TMEM135: variants seen among roughly 807,000 people sequenced by gnomAD.
TMEM135 encodes transmembrane protein 135, also known as peroxisomal membrane protein 52.
In TMEM135, 30 loss-of-function variants were observed where a neutral mutation model predicts 60.3. The observed-to-expected ratio is 0.50, with a 90% CI of 0.37 to 0.68. The LOEUF is 0.68. TMEM135 is among the 30% of genes least tolerant of loss of function. The probability of loss-of-function intolerance (pLI) is 0.00; values close to 1 mark genes in which losing one functional copy is unlikely to be tolerated. For missense variants in TMEM135, 468 were observed against 548.8 expected (o/e 0.85, Z 1.47); for synonymous variants, 190 against 186.7 (o/e 1.02, Z -0.14).
chr11:87,102,716 A>ATATATG (rs1565441733), intron 4 of TMEM135, among the ~76,000 whole-genome samples: 19 of 78,722 alleles, frequency 2.4e-4, no homozygotes, highest in Admixed American at 6.4e-4. Flanking sequence ...ATATATATGT[A>ATATATG]TATATATATA....
chr11:87,195,050 C>G (rs1939902573), intron 5 of TMEM135, among the ~76,000 whole-genome samples: 1 of 152,086 alleles, frequency 6.6e-6, no homozygotes, highest in Non-Finnish European at 1.5e-5. Flanking sequence ...GTGAAACATA[C>G]ATTAAAAATT....
At chr11:87,272,642 T>TC (rs947582410) in intron 6 of TMEM135, among the ~76,000 whole-genome samples, 45 of 151,380 alleles carry the variant, frequency 3.0e-4, no homozygotes, top group Non-Finnish European at 4.9e-4. Context: ...AAAAATTTTT[T>TC]TGTAGAGATG....
At chr11:87,214,441 T>G (rs978075872) in intron 5 of TMEM135, among the ~76,000 whole-genome samples, 7 of 152,204 alleles carry the variant, frequency 4.6e-5, no homozygotes, top group African/African-American at 1.4e-4. Flanking sequence ...CATGCTAACA[T>G]TTTATTAACA....
At chr11:87,173,673 T>C (rs1460706712) in intron 5 of TMEM135, among the ~76,000 whole-genome samples, 1 of 152,306 alleles carries the variant, frequency 6.6e-6, no homozygotes, top group Non-Finnish European at 1.5e-5. Flanking sequence ...TTATTACATA[T>C]GTTGTATTAT....
rs534955096 is a variant in TMEM135 at position 87,313,534 on chromosome 11, G to A, written c.1000+46G>A. 3 of 1,475,356 alleles carry A rather than the reference G, an allele frequency of 2.0e-6. No homozygotes were observed. In the South Asian group the frequency reaches 3.5e-5, roughly 17 times the overall value. The allele number at this position is 1,475,356 out of a possible 1,614,324, so 91.4% of individuals were successfully genotyped here. On this transcript the variant is annotated intron_variant, in intron 11 of 14. Coordinates refer to ENST00000305494, the MANE Select transcript of TMEM135 (RefSeq NM_022918.4). ...AATGGTTATTATTGTATTAATCAGT[G>A]GTAGGAATGAATTGGAAATACCATC...
At chr11:87,221,423 A>G (rs1376033957) in intron 5 of TMEM135, among the ~76,000 whole-genome samples, 1 of 152,218 alleles carries the variant, frequency 6.6e-6, no homozygotes, top group East Asian at 1.9e-4. Context: ...CATGCTAAAT[A>G]TTGACACCAT....
rs1196472302 is a variant in TMEM135, at chr11:87,201,987, TATGTTATGTTATGTTATGTTATGTA to T, written c.463-34635_463-34611del. ...TATGTTATGTTATGTTATGTTATGT[TATGTTATGTTATGTTATGTTATGTA>T]ATGTTATGTTATGTTTTACGTTATG... On this transcript the variant is annotated intron_variant, in intron 5 of 14. Coordinates refer to ENST00000305494, the MANE Select transcript of TMEM135 (RefSeq NM_022918.4). Among the ~76,000 whole-genome samples the T allele has an allele frequency of 7.3e-3, 959 of 132,100 alleles. 11 individuals are homozygous for T. Among genetic ancestry groups the T allele is most frequent in the South Asian group, 0.02 (83 of 4,056 alleles). 86.7% of individuals were successfully genotyped at this position (132,100 alleles called of 152,430 possible).
At chr11:87,282,762 T>A (rs1324288230) in intron 6 of TMEM135, among the ~76,000 whole-genome samples, 3 of 152,230 alleles carry the variant, frequency 2.0e-5, no homozygotes, top group Non-Finnish European at 4.4e-5. Context: ...GTTAGGTGAT[T>A]GGGATGTATT....
At position 87,324,653 on chromosome 11, in the gene TMEM135, A is replaced by C. The variant is rs1363644679; in HGVS notation, c.*3320A>C. ...GCTATGTTGTCCAGGCTGGTCTTAA[A>C]CTCCTGGCCTCAAGTGATCCTCTTG... is the stretch of plus-strand genomic sequence containing the variant. On this transcript the variant is annotated 3_prime_UTR_variant, in exon 15 of 15. Transcript: ENST00000305494. The C allele has an allele frequency of 8.9e-6, 4 of 449,438 alleles. No individual in the cohort carries two copies. The highest frequency in any genetic ancestry group is 1.8e-5 in the Non-Finnish European group (4 of 225,766). The allele number at this position is 449,438 out of a possible 1,614,324, so 27.8% of individuals were successfully genotyped here. A position where few individuals can be genotyped will look rare whatever the true frequency, so the allele number is the denominator to read the frequency against.
chr11:87,085,137 T>C (rs1036090911), intron 3 of TMEM135, among the ~76,000 whole-genome samples: 2 of 152,226 alleles, frequency 1.3e-5, no homozygotes, highest in African/African-American at 4.8e-5. Context: ...TGGTCTGATA[T>C]AGTACAGTTA....
chr11:87,293,184 A>T (rs1458153414), intron 6 of TMEM135, among the ~76,000 whole-genome samples: 1 of 152,180 alleles, frequency 6.6e-6, no homozygotes, highest in Non-Finnish European at 1.5e-5. Context: ...GAAAAAGATA[A>T]GTTTAAACAT....
At chr11:87,251,448 A>G (rs1209028200) in intron 6 of TMEM135, among the ~76,000 whole-genome samples, 1 of 152,154 alleles carries the variant, frequency 6.6e-6, no homozygotes, top group Non-Finnish European at 1.5e-5. Context: ...CGAATTACAT[A>G]ACTTTGCTAC....
intron 5 of TMEM135, among the ~76,000 whole-genome samples, chr11:87,203,685 G>T (rs1050328368): frequency 6.6e-6 from 1 of 152,168 alleles, no homozygotes; most frequent in African/African-American, 2.4e-5. Context: ...GCTGGTTTTT[G>T]TGTAGACATA....
intron 6 of TMEM135, among the ~76,000 whole-genome samples, chr11:87,277,986 T>C (rs975995429): frequency 1.3e-5 from 2 of 152,238 alleles, no homozygotes; most frequent in African/African-American, 4.8e-5. Flanking sequence ...TGCATAGCTA[T>C]GATTATGTCA....
chr11:87,324,636 G>A lies in TMEM135; in HGVS notation c.*3303G>A. 2.2e-6 allele frequency: 1 copy of A among 447,538 alleles called. No homozygotes were observed. The highest frequency in any genetic ancestry group is 1.6e-5 in the South Asian group (1 of 62,800). The allele number at this position is 447,538 out of a possible 1,614,324, so 27.7% of individuals were successfully genotyped here. On this transcript the variant is annotated 3_prime_UTR_variant, in exon 15 of 15. Coordinates refer to ENST00000305494, the MANE Select transcript of TMEM135 (RefSeq NM_022918.4). The stretch of plus-strand genomic sequence containing the variant: ...TGTAGAAACAAGGTGTTGCTATGTT[G>A]TCCAGGCTGGTCTTAAACTCCTGGC...
intron 5 of TMEM135, among the ~76,000 whole-genome samples, chr11:87,159,932 T>C (rs1349873142): frequency 6.6e-6 from 1 of 152,162 alleles, no homozygotes; most frequent in Admixed American, 6.5e-5. Flanking sequence ...ATCATTGTAT[T>C]TATCAATATT....
At chr11:87,255,774 G>A (rs915823220) in intron 6 of TMEM135, among the ~76,000 whole-genome samples, 3 of 152,190 alleles carry the variant, frequency 2.0e-5, no homozygotes. Flanking sequence ...AAGAGAGGAA[G>A]TGAAGGTGAA....
chr11:87,307,566 T>G (rs1590861684), intron 9 of TMEM135, among the ~76,000 whole-genome samples: 1 of 152,046 alleles, frequency 6.6e-6, no homozygotes, highest in South Asian at 2.1e-4. Flanking sequence ...TTAAAAAAAT[T>G]GTATGAGAAA....
intron 5 of TMEM135, among the ~76,000 whole-genome samples, chr11:87,232,871 C>T (rs1940918067): frequency 1.3e-5 from 2 of 152,112 alleles, no homozygotes; most frequent in African/African-American, 2.4e-5. Flanking sequence ...TACTCAGTTA[C>T]TGGGGGCAGT....
Sources: allele counts gnomAD v4.1 joint callset (sites outside exome capture counted in the v4.1 genomes callset), GRCh38; gene constraint gnomAD v4.1.1; transcripts MANE v1.5; gene names NCBI Gene and HGNC (gene_info 2026-07-23, HGNC 2026-07-21).